PRKAR1B: variants seen among roughly 807,000 people sequenced by gnomAD.
PRKAR1B encodes the protein protein kinase cAMP-dependent type I regulatory subunit beta, also known as cAMP-dependent protein kinase type I-beta regulatory subunit.
PRKAR1B carries 22 observed loss-of-function variants against 46.5 expected under a neutral mutation model. The ratio of observed to expected loss-of-function variants is 0.47; its 90% confidence interval spans 0.34 to 0.68. PRKAR1B has a LOEUF of 0.68. Among genes scored for constraint, PRKAR1B ranks in the 30% least tolerant of loss-of-function variants. PRKAR1B has a pLI of 0.01. For missense variants in PRKAR1B, 445 were observed against 535.6 expected (o/e 0.83, Z 1.67); for synonymous variants, 259 against 217.7 (o/e 1.19, Z -1.67).
intron 4 of PRKAR1B, among the ~76,000 whole-genome samples, chr7:627,546 C>T (rs1473715995): frequency 1.3e-5 from 2 of 152,222 alleles, no homozygotes; most frequent in African/African-American, 4.8e-5. Flanking sequence ...CGGCACTCTA[C>T]ACGGCTGACC....
upstream of PRKAR1B, among the ~76,000 whole-genome samples, chr7:728,612 C>G (rs1466989713): frequency 6.6e-6 from 1 of 152,202 alleles, no homozygotes; most frequent in Admixed American, 6.5e-5. Context: ...TAATGTATTT[C>G]TTCTTCATCC....
chr7:615,667 T>C (rs1455028705), intron 4 of PRKAR1B, among the ~76,000 whole-genome samples: 1 of 140,100 alleles, frequency 7.1e-6, no homozygotes, highest in Non-Finnish European at 1.5e-5. Flanking sequence ...CTACTAAAAA[T>C]ACAAAAAAAA....
chr7:663,657 G>GT (rs1194205879), intron 4 of PRKAR1B, among the ~76,000 whole-genome samples: 1 of 152,338 alleles, frequency 6.6e-6, no homozygotes, highest in African/African-American at 2.4e-5. Flanking sequence ...CAGGGTGCAT[G>GT]TGGTGGTCTG....
chr7:726,264 T>C lies in PRKAR1B; in HGVS notation c.-23+946A>G, dbSNP rs544279528. ...GCACCTGTCTTACACCACAGGGGGA[T>C]CCAGTCCACAGAACCAGCGTCCTTC... is the stretch of plus-strand genomic sequence containing the variant. On this transcript the variant is annotated intron_variant, in intron 1 of 10. Coordinates refer to ENST00000537384, the MANE Select transcript of PRKAR1B (RefSeq NM_001164760.2). Among the ~76,000 whole-genome samples the C allele has an allele frequency of 2.6e-5, 4 of 152,254 alleles. No individual in the cohort carries two copies. The East Asian group carries it at 7.7e-4, about 29-fold the overall frequency.
chr7:614,223 T>C (rs1401694752), intron 4 of PRKAR1B, among the ~76,000 whole-genome samples: 1 of 152,234 alleles, frequency 6.6e-6, no homozygotes, highest in African/African-American at 2.4e-5. Context: ...CACTCAGGAC[T>C]GTCTACACAA....
chr7:558,263 C>G (rs1778570095), intron 9 of PRKAR1B, among the ~76,000 whole-genome samples: 1 of 140,464 alleles, frequency 7.1e-6, no homozygotes, highest in Non-Finnish European at 1.5e-5. Context: ...GAGGTCGAGG[C>G]TGCAGTGAGC....
At chr7:646,531 G>A (rs10257757) in intron 4 of PRKAR1B, among the ~76,000 whole-genome samples, 3,478 of 152,348 alleles carry the variant, frequency 0.023, 96 homozygotes, top group African/African-American at 0.066. Flanking sequence ...GCTAATGACA[G>A]CTCTGGAGTA....
At chr7:724,247 G>T (rs148365892) in intron 1 of PRKAR1B, among the ~76,000 whole-genome samples, 2 of 152,234 alleles carry the variant, frequency 1.3e-5, no homozygotes, top group East Asian at 3.9e-4. Flanking sequence ...GACATGGTTT[G>T]GCTGTGTCCC....
intron 3 of PRKAR1B, among the ~76,000 whole-genome samples, chr7:679,322 T>G (rs1778523966): frequency 6.6e-6 from 1 of 152,128 alleles, no homozygotes; most frequent in African/African-American, 2.4e-5. Flanking sequence ...CCCCGTCCTG[T>G]CTCCCCCGTG....
intron 2 of PRKAR1B, among the ~76,000 whole-genome samples, chr7:687,502 G>T (rs1281419529): frequency 6.6e-6 from 1 of 152,164 alleles, no homozygotes; most frequent in Non-Finnish European, 1.5e-5. Flanking sequence ...GAAAATAGAT[G>T]AAAATATCCA....
intron 9 of PRKAR1B, among the ~76,000 whole-genome samples, chr7:554,834 CA>C (rs902369687): frequency 3.3e-5 from 5 of 151,744 alleles, no homozygotes; most frequent in African/African-American, 7.3e-5. Context: ...AGCCGGAAGA[CA>C]GGGGAGGCCA....
intron 7 of PRKAR1B, among the ~76,000 whole-genome samples, chr7:589,793 G>A (rs922003720): frequency 6.6e-6 from 1 of 152,246 alleles, no homozygotes; most frequent in African/African-American, 2.4e-5. Flanking sequence ...CGTGTGCACG[G>A]CACCACGTCA....
intron 9 of PRKAR1B, among the ~76,000 whole-genome samples, chr7:559,190 C>G (rs1778634622): frequency 2.0e-5 from 3 of 152,246 alleles, no homozygotes; most frequent in Admixed American, 1.3e-4. Context: ...AGACACAACC[C>G]ACAAGGCCAC....
intron 3 of PRKAR1B, among the ~76,000 whole-genome samples, chr7:680,213 G>A (rs972807892): frequency 6.6e-6 from 1 of 151,152 alleles, no homozygotes; most frequent in African/African-American, 2.4e-5. Flanking sequence ...AGCATGGGAG[G>A]CACACAGCCC....
intron 5 of PRKAR1B, among the ~76,000 whole-genome samples, chr7:607,080 T>C (rs1364222779): frequency 2.6e-5 from 4 of 152,102 alleles, no homozygotes; most frequent in Non-Finnish European, 5.9e-5. Flanking sequence ...CTCAGCCCAC[T>C]GCAACCTCCG....
intron 4 of PRKAR1B, among the ~76,000 whole-genome samples, chr7:632,359 C>T (rs894693662): frequency 4.6e-5 from 7 of 152,172 alleles, no homozygotes; most frequent in African/African-American, 1.7e-4. Context: ...GACCCGGACT[C>T]GAGACGAATC....
chr7:681,310 C>T (rs183078212), intron 2 of PRKAR1B, among the ~76,000 whole-genome samples: 1 of 144,934 alleles, frequency 6.9e-6, no homozygotes, highest in Non-Finnish European at 1.5e-5. Flanking sequence ...TGGACTAATA[C>T]ACCCTGTCTC....
Position 714,552 on chromosome 7 carries a change from A to C in PRKAR1B, c.-22-3025T>G, listed in dbSNP as rs1236409399. ...AGCTCCCACTGCCTCTCTCTTTCAC[A>C]CTTTTCCCCGCCACTCAGATCCCTG... is the stretch of plus-strand genomic sequence containing the variant. On this transcript the variant is annotated intron_variant, in intron 1 of 10. Coordinates refer to ENST00000537384, the MANE Select transcript of PRKAR1B (RefSeq NM_001164760.2). This position sits in a 1 kb window ranked among gnomAD's most constrained non-coding sequence, Gnocchi z 4.3. Among the ~76,000 whole-genome samples, 7 of 149,608 alleles carry C rather than the reference A, an allele frequency of 4.7e-5. No homozygotes were observed. Among genetic ancestry groups the C allele is most frequent in the Non-Finnish European group, 7.4e-5 (5 of 67,206 alleles).
intron 9 of PRKAR1B, among the ~76,000 whole-genome samples, chr7:555,987 A>C (rs1778403233): frequency 6.6e-6 from 1 of 152,190 alleles, no homozygotes; most frequent in South Asian, 2.1e-4. Flanking sequence ...AGCCGTCTTC[A>C]TCCCTCCTAT....
Sources: allele counts gnomAD v4.1 joint callset (sites outside exome capture counted in the v4.1 genomes callset), GRCh38; gene constraint gnomAD v4.1.1; non-coding constraint Gnocchi (gnomAD v3.1); transcripts MANE v1.5; gene names NCBI Gene and HGNC (gene_info 2026-07-23, HGNC 2026-07-21).